SAMD5: variants seen among roughly 807,000 people sequenced by gnomAD.
SAMD5 encodes the protein sterile alpha motif domain-containing protein 5.
Under a neutral mutation model 11.3 loss-of-function variants are expected in SAMD5, and 13 were observed. The ratio of observed to expected loss-of-function variants is 1.15; its 90% CI spans 0.75 to 1.83. SAMD5 has a LOEUF of 1.83. Ranked by LOEUF, SAMD5 falls within the 40% of genes most tolerant of loss-of-function variation. The pLI is 0.00. For missense variants in SAMD5, 255 were observed against 239.1 expected (o/e 1.07, Z -0.44); for synonymous variants, 129 against 111.3 (o/e 1.16, Z -1.00).
At chr6:147,619,087 G>A (rs1056212698) in intron 1 of SAMD5, among the ~76,000 whole-genome samples, 10 of 152,254 alleles carry the variant, frequency 6.6e-5, no homozygotes, top group South Asian at 4.2e-4. Flanking sequence ...CGCAGCACCC[G>A]GCCTTTCCTG....
the SAMD5 span, among the ~76,000 whole-genome samples, chr6:147,898,938 T>C: frequency 6.6e-6 from 1 of 151,930 alleles, no homozygotes; most frequent in African/African-American, 2.4e-5. Flanking sequence ...CCCAGCACTT[T>C]GGGAGGCCGA....
intron 1 of SAMD5, among the ~76,000 whole-genome samples, chr6:147,579,877 T>C (rs970164851): frequency 2.0e-5 from 3 of 152,214 alleles, no homozygotes; most frequent in African/African-American, 7.2e-5. Flanking sequence ...AACAAATATG[T>C]GTGGAATCCT....
intron 1 of SAMD5, among the ~76,000 whole-genome samples, chr6:147,586,346 G>T (rs1344581810): frequency 6.6e-6 from 1 of 152,132 alleles, no homozygotes; most frequent in Admixed American, 6.5e-5. Context: ...TTAAGAGACT[G>T]GGGAGAAACC....
downstream of SAMD5, among the ~76,000 whole-genome samples, chr6:147,572,315 G>A (rs920738694): frequency 6.0e-4 from 91 of 151,984 alleles, no homozygotes; most frequent in Non-Finnish European, 1.0e-3. Context: ...TTCACTTTAT[G>A]GTGTGATTTT....
At chr6:147,650,965 A>ATCG (rs33949853) in intron 1 of SAMD5, among the ~76,000 whole-genome samples, 2 of 36,172 alleles carry the variant, frequency 5.5e-5, no homozygotes, top group Admixed American at 2.5e-4. Flanking sequence ...TTTATTACTT[A>ATCG]TGAATTTCTA....
chr6:147,591,901 G>A lies in SAMD5; in HGVS notation c.162+82514G>A, dbSNP rs184850464. ...CACCTCTGAGAAGGGCTCAGGAGGC[G>A]GTTTCCCTCAGCAAGCAGCTCTTCT... On this transcript the variant is annotated intron_variant, in intron 1 of 1. Transcript: ENST00000566741. Among the ~76,000 whole-genome samples, 486 of 152,124 alleles carry A rather than the reference G, an allele frequency of 3.2e-3. 11 individuals are homozygous for A. The highest frequency in any genetic ancestry group is 0.029 in the Admixed American group (444 of 15,288).
chr6:147,562,487 G>A (rs1229510471), intron 1 of SAMD5, among the ~76,000 whole-genome samples: 5 of 152,030 alleles, frequency 3.3e-5, no homozygotes, highest in Non-Finnish European at 5.9e-5. Context: ...GCAATTTTTG[G>A]TGTTAACACC....
chr6:147,909,639 T>TCTCTCTCTCTCTC, the SAMD5 span, among the ~76,000 whole-genome samples: 12 of 138,934 alleles, frequency 8.6e-5, no homozygotes, highest in African/African-American at 2.8e-4. Flanking sequence ...TTTCTCTTTC[T>TCTCTCTCTCTCTC]TGTCTTTTGT....
rs2128445089 is a variant in SAMD5, at chr6:147,568,887, G to A, written c.*4431G>A. The A allele has an allele frequency of 1.0e-6, 1 of 974,352 alleles. No homozygotes were observed. Among genetic ancestry groups the A allele is most frequent in the East Asian group, 1.1e-4 (1 of 8,742 alleles). The allele number at this position is 974,352 out of a possible 1,614,324, so 60.4% of individuals were successfully genotyped here. ...ATGATCATTAATCCCTACTATTTTA[G>A]ATATTTCCATAAAAGGCTTAAAGGG... On this transcript the variant is annotated 3_prime_UTR_variant, in exon 2 of 2. Coordinates refer to ENST00000367474, the MANE Select transcript of SAMD5 (RefSeq NM_001030060.3).
chr6:147,879,304 C>T, the SAMD5 span, among the ~76,000 whole-genome samples: 2 of 152,300 alleles, frequency 1.3e-5, no homozygotes, highest in African/African-American at 2.4e-5. Flanking sequence ...AATTATTTAT[C>T]TGCGCAGGCT....
the SAMD5 span, among the ~76,000 whole-genome samples, chr6:147,871,488 T>C: frequency 4.6e-5 from 7 of 152,136 alleles, no homozygotes; most frequent in Non-Finnish European, 8.8e-5. Flanking sequence ...AAATGTAACC[T>C]CTTTTTAAAG....
chr6:147,838,535 C>A, the SAMD5 span, among the ~76,000 whole-genome samples: 4 of 142,988 alleles, frequency 2.8e-5, no homozygotes, highest in South Asian at 4.7e-4. Flanking sequence ...TATCCTGCCC[C>A]CCCCCCGTAG....
chr6:147,707,557 C>T (rs1791340852), intron 1 of SAMD5, among the ~76,000 whole-genome samples: 1 of 152,154 alleles, frequency 6.6e-6, no homozygotes, highest in Non-Finnish European at 1.5e-5. Flanking sequence ...CCTCCCAGCC[C>T]TGCTTATCTC....
chr6:147,545,194 T>G (rs1380988157), intron 1 of SAMD5, among the ~76,000 whole-genome samples: 1 of 152,212 alleles, frequency 6.6e-6, no homozygotes, highest in Non-Finnish European at 1.5e-5. Flanking sequence ...GGTCAGTGAT[T>G]TAAAGCTTAA....
chr6:147,835,723 C>T, the SAMD5 span, among the ~76,000 whole-genome samples: 1 of 152,118 alleles, frequency 6.6e-6, no homozygotes, highest in Admixed American at 6.6e-5. Context: ...GCAATGAACA[C>T]AGGAGGGAGA....
At chr6:147,813,417 A>C in the SAMD5 span, among the ~76,000 whole-genome samples, 1 of 152,192 alleles carries the variant, frequency 6.6e-6, no homozygotes, top group South Asian at 2.1e-4. Context: ...ATTGTAGTAA[A>C]ACCTATCTGT....
At chr6:147,909,580 C>CTTTT in the SAMD5 span, among the ~76,000 whole-genome samples, 2 of 60,828 alleles carry the variant, frequency 3.3e-5, no homozygotes, top group East Asian at 9.9e-4. Flanking sequence ...TTCTTTCTTT[C>CTTTT]TTTCTTTCTT....
intron 1 of SAMD5, among the ~76,000 whole-genome samples, chr6:147,558,058 T>C (rs1345694181): frequency 6.6e-6 from 1 of 152,230 alleles, no homozygotes; most frequent in Non-Finnish European, 1.5e-5. Context: ...CTGCTGTTGC[T>C]GGAGCAGGCA....
chr6:147,683,234 G>C (rs1790964572), intron 1 of SAMD5, among the ~76,000 whole-genome samples: 1 of 152,174 alleles, frequency 6.6e-6, no homozygotes, highest in Non-Finnish European at 1.5e-5. Context: ...AACTACTTCA[G>C]AAGTTTTTAA....
Sources: allele counts gnomAD v4.1 joint callset (sites outside exome capture counted in the v4.1 genomes callset), GRCh38; gene constraint gnomAD v4.1.1; transcripts MANE v1.5; gene names NCBI Gene and HGNC (gene_info 2026-07-23, HGNC 2026-07-21).